The following CCNH variants were observed in gnomAD, a reference collection of about 807,000 sequenced individuals.
CCNH encodes the protein cyclin H, also known as cyclin-H.
CCNH carries 31 observed loss-of-function variants against 41.9 expected under a neutral mutation model. That is an observed-to-expected ratio of 0.74 (90% confidence interval 0.56 to 1.00). The LOEUF (loss-of-function observed/expected upper bound fraction) is 1.00, where lower values mean the gene tolerates loss of function less well. Among genes scored for constraint, CCNH ranks in the 50% least tolerant of loss-of-function variants. The pLI, the probability that CCNH is intolerant of heterozygous loss-of-function variation, is 0.00. For missense variants in CCNH, 362 were observed against 388.4 expected (o/e 0.93, Z 0.57); for synonymous variants, 138 against 136.1 (o/e 1.01, Z -0.10).
chr5:87,358,037 G>T (rs1488039627), intron 9 of CCNH, among the ~76,000 whole-genome samples: 2 of 152,110 alleles, frequency 1.3e-5, no homozygotes, highest in African/African-American at 4.8e-5. Context: ...TTCAAGCAGG[G>T]TTTTAACTAT....
intron 9 of CCNH, among the ~76,000 whole-genome samples, chr5:87,382,791 A>C (rs1046340163): frequency 6.6e-6 from 1 of 152,110 alleles, no homozygotes; most frequent in African/African-American, 2.4e-5. Flanking sequence ...TCTTGTCTTA[A>C]AAGTTTTTCA....
chr5:87,353,055 A>C, intron 9 of CCNH: 2 of 821,676 alleles, frequency 2.4e-6, no homozygotes, highest in Non-Finnish European at 4.1e-6. Context: ...TTTGAAAAAA[A>C]TTTGCTAATT....
At chr5:87,329,930 A>T (rs1345323985) in intron 9 of CCNH, among the ~76,000 whole-genome samples, 4 of 152,192 alleles carry the variant, frequency 2.6e-5, no homozygotes, top group Non-Finnish European at 4.4e-5. Flanking sequence ...TTTCAGATTT[A>T]AAAAGTCCCT....
Position 87,412,563 on chromosome 5 carries a change from G to C in CCNH, c.117+115C>G, listed in dbSNP as rs3093779. The stretch of plus-strand genomic sequence containing the variant: ...TTATTTTGATAGAAAAACGCACTCC[G>C]CGCCGCAGAGGCAGAGAAACGACGG... On this transcript the variant is annotated intron_variant, in intron 1 of 8. Transcript: ENST00000256897. 2.8e-4 allele frequency: 421 copies of C among 1,483,044 alleles called. 3 individuals are homozygous for C. The East Asian group carries it at 8.6e-3, about 30-fold the overall frequency. The allele number at this position is 1,483,044 out of a possible 1,614,324, so 91.9% of individuals were successfully genotyped here.
intron 9 of CCNH, among the ~76,000 whole-genome samples, chr5:87,382,716 A>G (rs1464814051): frequency 6.6e-6 from 1 of 152,166 alleles, no homozygotes; most frequent in Non-Finnish European, 1.5e-5. Context: ...AGCTGTTAGT[A>G]TAATTTTTGC....
intron 6 of CCNH, among the ~76,000 whole-genome samples, chr5:87,400,343 T>A (rs1763308259): frequency 6.6e-6 from 1 of 152,234 alleles, no homozygotes; most frequent in East Asian, 1.9e-4. Context: ...TCTGAGTGTT[T>A]TATGAAGAGC....
downstream of CCNH, among the ~76,000 whole-genome samples, chr5:87,393,072 G>T (rs907743571): frequency 2.0e-5 from 3 of 148,260 alleles, no homozygotes; most frequent in Non-Finnish European, 3.0e-5. Flanking sequence ...ACTCTGGAAT[G>T]AGAAAAAAAA....
chr5:87,331,522 G>T, intron 9 of CCNH: 1 of 1,608,558 alleles, frequency 6.2e-7, no homozygotes, highest in Non-Finnish European at 8.5e-7. Flanking sequence ...TTCCTATTAT[G>T]AAGCCAAATG....
intron 4 of CCNH, among the ~76,000 whole-genome samples, chr5:87,406,104 A>C (rs188701915): frequency 8.5e-5 from 13 of 152,244 alleles, no homozygotes; most frequent in African/African-American, 1.7e-4. Flanking sequence ...TCAGAAAACT[A>C]TCTCTTACCA....
At chr5:87,364,783 A>G (rs1703909028) in intron 9 of CCNH, among the ~76,000 whole-genome samples, 1 of 152,154 alleles carries the variant, frequency 6.6e-6, no homozygotes, top group Non-Finnish European at 1.5e-5. Context: ...ATTCACTCCC[A>G]TAATTATTAA....
chr5:87,365,883 T>C (rs1280767457), intron 9 of CCNH, among the ~76,000 whole-genome samples: 1 of 152,186 alleles, frequency 6.6e-6, no homozygotes, highest in Non-Finnish European at 1.5e-5. Context: ...ATTATATATA[T>C]GTTTGTCTGT....
At chr5:87,349,173 A>G in intron 9 of CCNH, 6 of 1,602,042 alleles carry the variant, frequency 3.7e-6, no homozygotes, top group South Asian at 2.2e-5. Context: ...TTTCTTTTTT[A>G]TTTGATAATT....
rs1763937969 is a variant in CCNH, at chr5:87,408,131, G to A, written c.370C>T (p.Gln124Ter). 2 of 1,607,934 alleles carry A rather than the reference G, an allele frequency of 1.2e-6. No individual in the cohort carries two copies. The highest frequency in any genetic ancestry group is 1.7e-6 in the Non-Finnish European group (2 of 1,176,290). Residue 124 changes from glutamine (Q) to a stop codon, truncating the protein, a stop_gained, in exon 4 of 9, where the codon CAG becomes TAG. Transcript: ENST00000256897. LOFTEE classifies it high-confidence loss of function. ...KVDEFNVSSP[Q>*]FVGNLRESPL... The stretch of plus-strand genomic sequence containing the variant: ...CTCTCCCGGAGGTTTCCAACAAACT[G>A]AGGACTAGATACATTGAATTCATCT...
At chr5:87,400,143 G>A (rs1392800293) in intron 6 of CCNH, among the ~76,000 whole-genome samples, 1 of 152,058 alleles carries the variant, frequency 6.6e-6, no homozygotes, top group African/African-American at 2.4e-5. Flanking sequence ...TCAAGATTAG[G>A]GGAATGATGA....
At chr5:87,370,835 G>T (rs374062158) in intron 9 of CCNH, among the ~76,000 whole-genome samples, 2 of 152,126 alleles carry the variant, frequency 1.3e-5, no homozygotes, top group African/African-American at 4.8e-5. Context: ...TGAGGAAGAT[G>T]CTCTTAAAAC....
At chr5:87,402,094 G>A (rs950761289) in intron 5 of CCNH, among the ~76,000 whole-genome samples, 1 of 152,148 alleles carries the variant, frequency 6.6e-6, no homozygotes, top group Admixed American at 6.5e-5. Context: ...TTTTACAGAT[G>A]AGGAATCTGA....
chr5:87,367,317 TTTTC>T lies in CCNH; in HGVS notation c.*90+25449_*90+25452del, dbSNP rs1351899396. 8.4e-4 allele frequency among the ~76,000 whole-genome samples: 128 copies of T among 152,284 alleles called. 1 individual carries two copies. The highest frequency in any genetic ancestry group is 2.8e-3 in the African/African-American group (116 of 41,574). ...AAATTATAAATGAATGTTAATATCT[TTTTC>T]TTTATTATCAAATTAATGCCAGGCA... is the stretch of plus-strand genomic sequence containing the variant. On this transcript the variant is annotated intron_variant and NMD_transcript_variant, in intron 9 of 9. Transcript: ENST00000645953.
At chr5:87,331,598 AAAT>A (rs1757604600) in intron 9 of CCNH, 1 of 1,314,248 alleles carries the variant, frequency 7.6e-7, no homozygotes, top group Non-Finnish European at 1.1e-6. Context: ...ACTCAGTAAC[AAAT>A]AATAGAGAAG....
upstream of CCNH, chr5:87,378,436 C>A: frequency 6.2e-7 from 1 of 1,612,802 alleles, no homozygotes; most frequent in Non-Finnish European, 8.5e-7. Flanking sequence ...CACTTGCAAG[C>A]ACCTTGATGG....
Sources: allele counts gnomAD v4.1 joint callset (sites outside exome capture counted in the v4.1 genomes callset), GRCh38; gene constraint gnomAD v4.1.1; transcripts MANE v1.5; gene names NCBI Gene and HGNC (gene_info 2026-07-23, HGNC 2026-07-21).